The following SMYD4 variants were observed in gnomAD, a reference collection of about 807,000 sequenced individuals.
The protein encoded by SMYD4 is SET and MYND domain containing 4.
In SMYD4, 68 loss-of-function variants were observed where a neutral mutation model predicts 72.8. The ratio of observed to expected loss-of-function variants is 0.93; its 90% CI spans 0.77 to 1.14. SMYD4 has a LOEUF of 1.14. SMYD4 is among the 50% of genes most tolerant of loss of function. The pLI, the probability that SMYD4 is intolerant of heterozygous loss-of-function variation, is 0.00. For synonymous variants in SMYD4, 407 were observed against 388.6 expected (o/e 1.05, Z -0.56); for missense variants, 984 against 1,003.7 (o/e 0.98, Z 0.27).
chr17:1,798,753 A>G (rs565961173), intron 5 of SMYD4, among the ~76,000 whole-genome samples: 60 of 152,182 alleles, frequency 3.9e-4, no homozygotes, highest in African/African-American at 1.3e-3. Flanking sequence ...CAAAAAAATT[A>G]GCCAGGCATG....
chr17:1,799,383 T>C (rs1468820261), intron 5 of SMYD4, among the ~76,000 whole-genome samples: 1 of 151,962 alleles, frequency 6.6e-6, no homozygotes, highest in Non-Finnish European at 1.5e-5. Context: ...ATTTTTTTTT[T>C]TTTTGAGATG....
At chr17:1,799,118 G>A (rs1206381926) in intron 5 of SMYD4, among the ~76,000 whole-genome samples, 1 of 151,260 alleles carries the variant, frequency 6.6e-6, no homozygotes. Flanking sequence ...AATTAGCCGG[G>A]CGTGGTGGCG....
At chr17:1,788,303 G>T (rs1908815204) in intron 5 of SMYD4, among the ~76,000 whole-genome samples, 1 of 151,800 alleles carries the variant, frequency 6.6e-6, no homozygotes, top group Non-Finnish European at 1.5e-5. Context: ...AGTGAGCCAG[G>T]ATTGCACCAC....
At chr17:1,790,953 C>T (rs7218033) in intron 5 of SMYD4, among the ~76,000 whole-genome samples, 43,350 of 150,144 alleles carry the variant, frequency 0.29, 6,796 homozygotes, top group African/African-American at 0.41. Flanking sequence ...GGCGAAACCC[C>T]GTCTCTACTA....
At chr17:1,814,384 A>T (rs546141270) in intron 2 of SMYD4, among the ~76,000 whole-genome samples, 2 of 152,330 alleles carry the variant, frequency 1.3e-5, no homozygotes, top group South Asian at 4.1e-4. Context: ...AAAGACCCAC[A>T]ATAAGGAACA....
chr17:1,800,999 GCT>G lies in SMYD4; in HGVS notation c.393_394del (p.Arg131SerfsTer18), dbSNP rs1165455826. On this transcript the variant is annotated frameshift_variant, in exon 5 of 11. Transcript: ENST00000305513. LOFTEE classifies it high-confidence loss of function. ...CCTTTCTGGATACCCATGTGTCTGT[GCT>G]CTGTTAATGTCTTTAAGACACGTCT... 6.2e-7 allele frequency: 1 copy of G among 1,612,316 alleles called. No individual in the cohort carries two copies. The highest frequency in any genetic ancestry group is 1.3e-5 in the African/African-American group (1 of 74,892).
At chr17:1,819,464 G>A (rs116143268) in intron 2 of SMYD4, among the ~76,000 whole-genome samples, 1,610 of 152,200 alleles carry the variant, frequency 0.011, 26 homozygotes, top group African/African-American at 0.035. Context: ...AGCTAAGTTT[G>A]GTCACTTACT....
At chr17:1,781,874 T>C in intron 10 of SMYD4, 1 of 162,944 alleles carries the variant, frequency 6.1e-6, no homozygotes, top group Non-Finnish European at 1.3e-5. Context: ...TACATAGCAG[T>C]TTTCATTTTA....
At chr17:1,798,189 G>A (rs1365114315) in intron 5 of SMYD4, among the ~76,000 whole-genome samples, 4 of 150,194 alleles carry the variant, frequency 2.7e-5, no homozygotes, top group African/African-American at 7.4e-5. Flanking sequence ...GGAGTGCATC[G>A]GTGCGATCAT....
intron 5 of SMYD4, among the ~76,000 whole-genome samples, chr17:1,789,718 T>C (rs995313557): frequency 4.6e-5 from 6 of 131,184 alleles, no homozygotes; most frequent in African/African-American, 1.7e-4. Context: ...TGAGCCGAGA[T>C]CGCACCACTG....
chr17:1,799,798 C>G, intron 5 of SMYD4, 59 bp downstream of exon 5: 1 of 1,457,866 alleles, frequency 6.9e-7, no homozygotes, highest in South Asian at 1.4e-5. Flanking sequence ...TGTTTCTTCT[C>G]AAACACCTGC....
chr17:1,827,558 G>C (rs1184977071), intron 2 of SMYD4, among the ~76,000 whole-genome samples: 1 of 152,092 alleles, frequency 6.6e-6, no homozygotes, highest in Admixed American at 6.6e-5. Context: ...TAATCCTGCA[G>C]GATGACAGAA....
At chr17:1,827,219 G>A (rs544139576) in intron 2 of SMYD4, among the ~76,000 whole-genome samples, 3 of 151,782 alleles carry the variant, frequency 2.0e-5, no homozygotes, top group African/African-American at 7.2e-5. Context: ...GTGTGCGACT[G>A]TAATCCCAAA....
chr17:1,810,799 G>A (rs1484931246), intron 3 of SMYD4, among the ~76,000 whole-genome samples: 1 of 152,248 alleles, frequency 6.6e-6, no homozygotes, highest in East Asian at 1.9e-4. Context: ...GCCGGCGGAA[G>A]AGCAGCCGAC....
chr17:1,796,301 T>TTTTG (rs1555576053), intron 5 of SMYD4, among the ~76,000 whole-genome samples: 4 of 144,900 alleles, frequency 2.8e-5, no homozygotes, highest in Admixed American at 1.4e-4. Context: ...GCCTGGCTGT[T>TTTTG]TTTTTTTTTT....
rs1567792511 is a variant in SMYD4 at position 1,827,940 on chromosome 17, G to C, written c.55C>G (p.Leu19Val). 1 of 1,613,624 alleles carries C rather than the reference G, an allele frequency of 6.2e-7. No homozygotes were observed. The highest frequency in any genetic ancestry group is 1.1e-5 in the South Asian group (1 of 91,070). The change falls in exon 2 of 11, where the codon CTC becomes GTC. Residue 19 changes from leucine (L) to valine (V), a missense_variant. Transcript: ENST00000305513. ...ATTGTGACCTGAACAGACGTCGGGA[G>C]TGAAGCCCACTTTTGAAGCAGATAT... ...KSYLLQKWAS[L>V]PTSVQVTIST...
In SMYD4 at chr17:1,800,234, T is replaced by C. The variant is rs1298772365; in HGVS notation, c.1160A>G (p.Gln387Arg). 1.2e-6 allele frequency: 2 copies of C among 1,614,120 alleles called. No homozygotes were observed. Among genetic ancestry groups the C allele is most frequent in the African/African-American group, 2.7e-5 (2 of 74,948 alleles). Residue 387 changes from glutamine (Q) to arginine (R), a missense_variant, in exon 5 of 11, where the codon CAG becomes CGG. Gln to Arg is a conservative substitution (Grantham distance 43, BLOSUM62 1). Transcript: ENST00000305513. ...KDICLPESNN[Q>R]VKTLNYGLGE... is the part of the protein sequence containing the mutation. ...TAGGCCATAATTAAGTGTCTTGACC[T>C]GATTGTTGCTTTCAGGTAAACAGAT...
intron 5 of SMYD4, among the ~76,000 whole-genome samples, chr17:1,794,081 G>GTGTATATATATATATATATATATA: frequency 5.8e-5 from 1 of 17,122 alleles, no homozygotes; most frequent in African/African-American, 2.5e-4. Context: ...ATATATATGT[G>GTGTATATATATATATATATATATA]TATATATATA....
At chr17:1,798,961 T>A (rs897522993) in intron 5 of SMYD4, among the ~76,000 whole-genome samples, 1 of 151,692 alleles carries the variant, frequency 6.6e-6, no homozygotes, top group Non-Finnish European at 1.5e-5. Context: ...ATGGACTTTT[T>A]AAAGAATTTC....
Sources: gnomAD v4.1 joint callset for allele counts (sites outside exome capture counted in the v4.1 genomes callset) on GRCh38, gnomAD v4.1.1 for gene constraint, MANE v1.5 for transcripts, NCBI Gene and HGNC (gene_info 2026-07-23, HGNC 2026-07-21) for gene names.